ATP6V0E1: variants seen among roughly 807,000 people sequenced by gnomAD.
The protein encoded by ATP6V0E1 is V-type proton ATPase subunit e 1.
A neutral mutation model predicts 11.6 loss-of-function variants in ATP6V0E1; 4 were observed. The observed-to-expected ratio is 0.35, with a 90% CI of 0.17 to 0.79. The LOEUF is 0.79. ATP6V0E1 is among the 30% of genes least tolerant of loss of function. The pLI, the probability that ATP6V0E1 is intolerant of heterozygous loss-of-function variation, is 0.54. For synonymous variants in ATP6V0E1, 36 were observed against 34.8 expected, an observed-to-expected ratio of 1.04 and a Z score of -0.13; for missense variants, 105 against 100.0, an observed-to-expected ratio of 1.05 and a Z score of -0.21.
chr5:172,997,669 C>T (rs767579747), intron 2 of ATP6V0E1, among the ~76,000 whole-genome samples: 5 of 151,838 alleles, frequency 3.3e-5, no homozygotes, highest in African/African-American at 4.8e-5. Flanking sequence ...AAAATTTAGC[C>T]GAGCGTGGTG....
chr5:173,034,628 T>G lies in ATP6V0E1; in HGVS notation c.*266T>G. The G allele has an allele frequency of 1.8e-6, 1 of 568,850 alleles. No homozygotes were observed. The highest frequency in any genetic ancestry group is 2.8e-5 in the East Asian group (1 of 35,312). The allele number at this position is 568,850 out of a possible 1,614,324, so 35.2% of individuals were successfully genotyped here. A position where few individuals can be genotyped will look rare whatever the true frequency, so the allele number is the denominator to read the frequency against. On this transcript the variant is annotated 3_prime_UTR_variant, in exon 4 of 4. Transcript: ENST00000519374. ...AAAACGATTATGTACTCTTCTGAGA[T>G]AGAAGATGCTGTTCTTCTGAGAGAT...
chr5:173,002,513 A>C (rs1161153714), intron 2 of ATP6V0E1, among the ~76,000 whole-genome samples: 2 of 152,166 alleles, frequency 1.3e-5, no homozygotes, highest in Non-Finnish European at 2.9e-5. Context: ...TTTTCTATGA[A>C]TTGGTAGCCA....
chr5:172,986,811 C>A, intron 1 of ATP6V0E1: 1 of 425,356 alleles, frequency 2.4e-6, no homozygotes, highest in South Asian at 1.7e-5. Context: ...GTTTTTGAGA[C>A]AGAGTCTCAC....
chr5:173,031,397 A>G (rs1280772719), intron 3 of ATP6V0E1, among the ~76,000 whole-genome samples: 1 of 144,150 alleles, frequency 6.9e-6, no homozygotes, highest in Non-Finnish European at 1.5e-5. Context: ...TGTCAGTTTT[A>G]TCTGATGGTA....
chr5:173,032,796 A>T (rs1057309939), intron 3 of ATP6V0E1, among the ~76,000 whole-genome samples: 22 of 150,828 alleles, frequency 1.5e-4, no homozygotes, highest in African/African-American at 5.0e-4. Flanking sequence ...CAGTATTCTC[A>T]GATAAAATTT....
intron 3 of ATP6V0E1, among the ~76,000 whole-genome samples, chr5:173,033,554 T>C (rs182383510): frequency 3.3e-5 from 5 of 152,226 alleles, no homozygotes; most frequent in Admixed American, 2.0e-4. Flanking sequence ...ATTGTAAATA[T>C]AGTCTGTTTA....
chr5:173,020,277 T>C lies in ATP6V0E1; in HGVS notation c.192T>C (p.Phe64=). The change falls in exon 3 of 4, where the codon TTT becomes TTC. Residue 64 remains phenylalanine, a synonymous_variant. Transcript: ENST00000519374. ...TTCTGGCCCAACTCAACCCTCTCTTTGGACCGCAATTGAAAAATGAAACCA... is the reference window on the plus strand; with the variant it reads ...TTCTGGCCCAACTCAACCCTCTCTTCGGACCGCAATTGAAAAATGAAACCA... ...IAILAQLNPL[F]GPQLKNETIW... The C allele has an allele frequency of 6.2e-7, 1 of 1,614,032 alleles. No homozygotes were observed. The highest frequency in any genetic ancestry group is 8.5e-7 in the Non-Finnish European group (1 of 1,179,932).
Position 173,013,139 on chromosome 5 carries a change from G to A in ATP6V0E1, c.153-7099G>A, listed in dbSNP as rs192525304. On this transcript the variant is annotated intron_variant, in intron 2 of 3. Transcript: ENST00000519374. ...CAAGGCTGCAATGAGCTGTGATTGC[G>A]CCACTCCAGTCCAGCCTGGGCAACA... 3.0e-3 allele frequency among the ~76,000 whole-genome samples: 458 copies of A among 152,056 alleles called. 3 individuals are homozygous for A. The highest frequency in any genetic ancestry group is 0.01 in the African/African-American group (428 of 41,476).
At chr5:172,999,797 C>T (rs571574589) in intron 2 of ATP6V0E1, among the ~76,000 whole-genome samples, 1 of 152,316 alleles carries the variant, frequency 6.6e-6, no homozygotes, top group East Asian at 1.9e-4. Context: ...AGTGTTCCAA[C>T]ATTAAATGCT....
At chr5:173,017,840 CAAAAAA>C (rs538210275) in intron 2 of ATP6V0E1, among the ~76,000 whole-genome samples, 1 of 66,570 alleles carries the variant, frequency 1.5e-5, no homozygotes, top group African/African-American at 4.6e-5. Flanking sequence ...GACTCCTTCT[CAAAAAA>C]AAAAAAAAAA....
chr5:172,986,549 G>A, intron 1 of ATP6V0E1: 1 of 263,450 alleles, frequency 3.8e-6, no homozygotes, highest in Admixed American at 5.0e-5. Flanking sequence ...GAGTGTTTGA[G>A]ACCAGGAGTT....
At chr5:173,009,579 C>T (rs1756285530) in intron 2 of ATP6V0E1, among the ~76,000 whole-genome samples, 1 of 151,206 alleles carries the variant, frequency 6.6e-6, no homozygotes, top group African/African-American at 2.4e-5. Flanking sequence ...ATTCTCGTGC[C>T]TCAGCCTCCG....
In ATP6V0E1 at chr5:172,994,757, A is replaced by ATT. The variant is rs11296906; in HGVS notation, c.105-4_105-3dup. The ATT allele has an allele frequency of 6.0e-4, 833 of 1,393,658 alleles. No homozygotes were observed. The highest frequency in any genetic ancestry group is 8.4e-4 in the South Asian group (63 of 75,084). The allele number at this position is 1,393,658 out of a possible 1,614,324, so 86.3% of individuals were successfully genotyped here. A position where few individuals can be genotyped will look rare whatever the true frequency, so the allele number is the denominator to read the frequency against. On this transcript the variant is annotated splice_polypyrimidine_tract_variant and intron_variant, in intron 1 of 3. Coordinates refer to ENST00000519374, the MANE Select transcript of ATP6V0E1 (RefSeq NM_003945.4). Reference sequence around the variant, plus strand: ...TTGCTAGTTATTTAATGACATTTGCATTTTTTTTTTTTTTTAGAGTTATCA... The same window carrying ATT: ...TTGCTAGTTATTTAATGACATTTGCATTTTTTTTTTTTTTTTTAGAGTTATCA...
chr5:172,988,111 A>T (rs192245286), intron 1 of ATP6V0E1, among the ~76,000 whole-genome samples: 1 of 152,310 alleles, frequency 6.6e-6, no homozygotes, highest in African/African-American at 2.4e-5. Flanking sequence ...AAACACAAAC[A>T]TATTATTCTA....
At chr5:173,013,009 C>CA (rs1756352045) in intron 2 of ATP6V0E1, among the ~76,000 whole-genome samples, 1 of 151,692 alleles carries the variant, frequency 6.6e-6, no homozygotes, top group African/African-American at 2.4e-5. Context: ...CCTGTCTCTA[C>CA]AAAAAATTTA....
At chr5:173,027,689 A>AGCGATCCTCCCACCTTGGCTTCTC (rs1756585096) in intron 3 of ATP6V0E1, among the ~76,000 whole-genome samples, 1 of 152,038 alleles carries the variant, frequency 6.6e-6, no homozygotes, top group Non-Finnish European at 1.5e-5. Context: ...CCTGGCCTCA[A>AGCGATCCTCCCACCTTGGCTTCTC]GCGATCCTCC....
In ATP6V0E1 at chr5:173,032,262, TTTATTTATTTA is replaced by T. The variant is rs1561778689; in HGVS notation, c.*37-2134_*37-2124del. ...ACTTTTATTTTATTTTATTTATTTA[TTTATTTATTTA>T]TTTATTTATTTATTTATTTATTTAT... On this transcript the variant is annotated intron_variant, in intron 3 of 3. Transcript: ENST00000519374. 4.7e-3 allele frequency among the ~76,000 whole-genome samples: 537 copies of T among 114,260 alleles called. 6 individuals are homozygous for T. The highest frequency in any genetic ancestry group is 0.018 in the African/African-American group (506 of 28,038). 75.0% of individuals were successfully genotyped at this position (114,260 alleles called of 152,430 possible).
At chr5:172,994,528 G>T (rs1756031862) in intron 1 of ATP6V0E1, among the ~76,000 whole-genome samples, 1 of 152,114 alleles carries the variant, frequency 6.6e-6, no homozygotes, top group Non-Finnish European at 1.5e-5. Context: ...GATAAATTTG[G>T]ATTGGACAGC....
chr5:172,987,527 G>A (rs924849389), intron 1 of ATP6V0E1, among the ~76,000 whole-genome samples: 5 of 151,808 alleles, frequency 3.3e-5, no homozygotes, highest in African/African-American at 7.3e-5. Context: ...CAGGTGATCC[G>A]TCCGCCTCGG....
Sources: gnomAD v4.1 joint callset for allele counts (sites outside exome capture counted in the v4.1 genomes callset) on GRCh38, gnomAD v4.1.1 for gene constraint, MANE v1.5 for transcripts, NCBI Gene and HGNC (gene_info 2026-07-23, HGNC 2026-07-21) for gene names.